Variants in KLF12 observed in about 807,000 individuals in gnomAD.
The protein encoded by KLF12 is KLF transcription factor 12, also known as Krueppel-like factor 12.
In KLF12, 9 loss-of-function variants were observed where a neutral mutation model predicts 37.8. The observed-to-expected ratio is 0.24, with a 90% CI of 0.14 to 0.42. The LOEUF is 0.42. Ranked by LOEUF, KLF12 falls within the 10% of genes least tolerant of loss-of-function variation. KLF12 has a pLI of 1.00. For synonymous variants in KLF12, 208 were observed against 202.1 expected (o/e 1.03, Z -0.25); for missense variants, 411 against 516.0 (o/e 0.80, Z 1.97).
intron 5 of KLF12, among the ~76,000 whole-genome samples, chr13:73,784,522 C>G (rs1175386456): frequency 2.0e-5 from 3 of 151,990 alleles, no homozygotes; most frequent in Non-Finnish European, 4.4e-5. Context: ...TGCTGACCCC[C>G]CACTCCGCAC....
At chr13:74,031,049 G>A (rs750558666) in intron 1 of KLF12, among the ~76,000 whole-genome samples, 12 of 151,936 alleles carry the variant, frequency 7.9e-5, no homozygotes, top group Non-Finnish European at 1.6e-4. Flanking sequence ...GCTATATCTC[G>A]AACTACAAAG....
At chr13:74,048,262 C>T (rs1217068972) in intron 1 of KLF12, among the ~76,000 whole-genome samples, 2 of 152,200 alleles carry the variant, frequency 1.3e-5, no homozygotes, top group Admixed American at 1.3e-4. Context: ...CATCTTTATT[C>T]TAAGCAGCCA....
chr13:74,119,684 G>A (rs75537311), intron 1 of KLF12, among the ~76,000 whole-genome samples: 4,702 of 152,246 alleles, frequency 0.031, 132 homozygotes, highest in Middle Eastern at 0.075. Context: ...TGGGGGAGAG[G>A]TGCAGAAGAT....
At chr13:73,796,507 CTGTGTGTGTGTGTGTGTG>C (rs5804694) in intron 5 of KLF12, among the ~76,000 whole-genome samples, 1 of 140,276 alleles carries the variant, frequency 7.1e-6, no homozygotes, top group Non-Finnish European at 1.5e-5. Flanking sequence ...TGCCCCTGTG[CTGTGTGTGTGTGTGTGTG>C]TGTGTGTGTG....
the KLF12 span, among the ~76,000 whole-genome samples, chr13:74,288,325 T>C: frequency 6.6e-6 from 1 of 152,168 alleles, no homozygotes; most frequent in South Asian, 2.1e-4. Context: ...ATTTTATGAG[T>C]CTTTTCATTT....
the KLF12 span, among the ~76,000 whole-genome samples, chr13:74,177,294 G>A: frequency 5.3e-5 from 8 of 152,240 alleles, no homozygotes; most frequent in Admixed American, 2.6e-4. Flanking sequence ...GAAATTTTAG[G>A]CAAAATTATA....
At chr13:74,260,577 AT>A in the KLF12 span, among the ~76,000 whole-genome samples, 2 of 82,386 alleles carry the variant, frequency 2.4e-5, no homozygotes, top group East Asian at 3.4e-4. Context: ...AATAAAATAA[AT>A]AAAATAAAAT....
chr13:73,890,698 T>C (rs1887463290), intron 3 of KLF12, among the ~76,000 whole-genome samples: 1 of 151,658 alleles, frequency 6.6e-6, no homozygotes, highest in African/African-American at 2.4e-5. Context: ...ATCAAACCTA[T>C]CTTGAAAGAG....
intron 1 of KLF12, among the ~76,000 whole-genome samples, chr13:73,995,586 T>C (rs1286122842): frequency 6.6e-6 from 1 of 152,162 alleles, no homozygotes; most frequent in Non-Finnish European, 1.5e-5. Flanking sequence ...GGTGGTTCCA[T>C]GTCAGCCAAT....
chr13:74,093,463 A>C (rs1875794225), intron 1 of KLF12, among the ~76,000 whole-genome samples: 1 of 152,202 alleles, frequency 6.6e-6, no homozygotes, highest in Non-Finnish European at 1.5e-5. Context: ...AATATAGCAT[A>C]AAGAATAAGA....
At chr13:73,716,311 G>C (rs577022144) in intron 6 of KLF12, among the ~76,000 whole-genome samples, 16 of 152,192 alleles carry the variant, frequency 1.1e-4, no homozygotes, top group African/African-American at 3.9e-4. Context: ...TTTTGATTGA[G>C]ACAGAAATAA....
In KLF12 at chr13:73,845,944, G is replaced by A; in HGVS notation, c.553C>T (p.Arg185Cys). The stretch of plus-strand genomic sequence containing the variant: ...ACCGACTGTACCACCACGGGGATGC[G>A]GTGAACATGACTCAGTTTGTTAGAC... Residue 185 changes from arginine (R) to cysteine (C), a missense_variant, in exon 4 of 8, where the codon CGC becomes TGC. Arg to Cys is a radical substitution (Grantham distance 180). This residue lies in a region of KLF12 where 351 missense variants were observed against 397.8 expected (regional missense o/e 0.88). Coordinates refer to ENST00000377669, the MANE Select transcript of KLF12 (RefSeq NM_007249.5). 1.2e-6 allele frequency: 2 copies of A among 1,614,100 alleles called. No individual in the cohort carries two copies. Among genetic ancestry groups the A allele is most frequent in the Non-Finnish European group, 1.7e-6 (2 of 1,179,986 alleles).
At position 74,102,990 on chromosome 13, in the gene KLF12, T is replaced by C. The variant is rs78627625; in HGVS notation, c.-32+30749A>G. On this transcript the variant is annotated intron_variant, in intron 1 of 7. Coordinates refer to ENST00000377669, the MANE Select transcript of KLF12 (RefSeq NM_007249.5). ...TTCCTCCCTTGGAACTCTATTCACC[T>C]GTTTTTTTGAGGGGGGCAGTAACAC... 7.8e-3 allele frequency among the ~76,000 whole-genome samples: 1,184 copies of C among 152,274 alleles called. 4 individuals are homozygous for C. Among genetic ancestry groups the C allele is most frequent in the African/African-American group, 0.027 (1,110 of 41,536 alleles).
chr13:73,867,254 C>CAAAT (rs1026359109), intron 3 of KLF12, among the ~76,000 whole-genome samples: 2 of 150,884 alleles, frequency 1.3e-5, no homozygotes, highest in Admixed American at 1.3e-4. Context: ...AAACACTAGG[C>CAAAT]AAATACAAAG....
intron 3 of KLF12, among the ~76,000 whole-genome samples, chr13:73,903,827 T>G (rs1348262136): frequency 6.6e-6 from 1 of 152,192 alleles, no homozygotes; most frequent in Non-Finnish European, 1.5e-5. Flanking sequence ...TGGATTCTCA[T>G]AGGAGCGGGA....
intron 5 of KLF12, among the ~76,000 whole-genome samples, chr13:73,767,441 G>A (rs9543452): frequency 0.19 from 28,679 of 152,106 alleles, 3,107 homozygotes; most frequent in East Asian, 0.38. Context: ...CTGTAACTAA[G>A]GGGTTCAGGC....
At chr13:74,186,912 G>A in the KLF12 span, among the ~76,000 whole-genome samples, 2 of 152,104 alleles carry the variant, frequency 1.3e-5, no homozygotes, top group Non-Finnish European at 2.9e-5. Context: ...ATTTAACTCT[G>A]GAGTTTAGCT....
intron 5 of KLF12, among the ~76,000 whole-genome samples, chr13:73,793,262 G>A (rs1881787556): frequency 6.6e-6 from 1 of 152,098 alleles, no homozygotes; most frequent in Admixed American, 6.6e-5. Context: ...TGTGCGGTCT[G>A]CCCCCAAATA....
At chr13:74,065,124 CCATCTGCTT>C (rs1022504626) in intron 1 of KLF12, among the ~76,000 whole-genome samples, 19 of 152,182 alleles carry the variant, frequency 1.2e-4, no homozygotes, top group African/African-American at 4.3e-4. Flanking sequence ...CCACTATCCT[CCATCTGCTT>C]CATACACACA....
Sources: allele counts gnomAD v4.1 joint callset (sites outside exome capture counted in the v4.1 genomes callset), GRCh38; gene constraint gnomAD v4.1.1; regional missense constraint gnomAD v4.1.1; transcripts MANE v1.5; gene names NCBI Gene and HGNC (gene_info 2026-07-23, HGNC 2026-07-21).